Variants in ZFAND2A observed in about 807,000 individuals in gnomAD.
ZFAND2A encodes AN1-type zinc finger protein 2A.
A neutral mutation model predicts 11.6 loss-of-function variants in ZFAND2A; 20 were observed. The ratio of observed to expected loss-of-function variants is 1.72; its 90% CI spans 1.21 to 2.50. The LOEUF (loss-of-function observed/expected upper bound fraction) is 2.50, where lower values mean the gene tolerates loss of function less well. ZFAND2A is among the 30% of genes most tolerant of loss of function. The probability of loss-of-function intolerance (pLI) is 0.00; values close to 1 mark genes in which losing one functional copy is unlikely to be tolerated. For synonymous variants in ZFAND2A, 93 were observed against 60.6 expected, an observed-to-expected ratio of 1.54 and a Z score of -2.48; for missense variants, 234 against 182.9, an observed-to-expected ratio of 1.28 and a Z score of -1.61.
intron 3 of ZFAND2A, chr7:1,157,162 TC>T (rs1793547103): frequency 6.6e-6 from 1 of 152,332 alleles, no homozygotes; most frequent in Non-Finnish European, 1.5e-5. Context: ...TTTCCTTAGG[TC>T]CTCTTTCAGT....
Position 1,153,183 on chromosome 7 carries a change from TTTC to T in ZFAND2A, c.321_323del (p.Lys108del). 6.2e-7 allele frequency: 1 copy of T among 1,614,122 alleles called. No individual in the cohort carries two copies. The highest frequency in any genetic ancestry group is 1.6e-4 in the Middle Eastern group (1 of 6,062). On this transcript the variant is annotated inframe_deletion, in exon 5 of 5. Coordinates refer to ENST00000316495, the MANE Select transcript of ZFAND2A (RefSeq NM_182491.4). Reference sequence around the variant, plus strand: ...GGGCACATACCATCTGCAGCATCTCTTTCTTCTTGCAGCCCTCTTTTGAGCAAC... The same window carrying T: ...GGGCACATACCATCTGCAGCATCTCTTTCTTGCAGCCCTCTTTTGAGCAAC...
At chr7:1,158,812 G>A (rs984158832) in intron 1 of ZFAND2A, among the ~76,000 whole-genome samples, 2 of 152,172 alleles carry the variant, frequency 1.3e-5, no homozygotes, top group Non-Finnish European at 2.9e-5. Flanking sequence ...GACAGCTGGT[G>A]AAACTACCGC....
chr7:1,157,404 CTCCA>C (rs1226596818), intron 3 of ZFAND2A: 6 of 343,384 alleles, frequency 1.7e-5, no homozygotes, highest in African/African-American at 1.3e-4. Context: ...AACTAAGTGA[CTCCA>C]TGAGTCCCTG....
At position 1,155,470 on chromosome 7, in the gene ZFAND2A, C is replaced by T. The variant is rs772952417; in HGVS notation, c.265G>A (p.Gly89Arg). 2 of 1,613,578 alleles carry T rather than the reference C, an allele frequency of 1.2e-6. No individual in the cohort carries two copies. The highest frequency in any genetic ancestry group is 1.7e-6 in the Non-Finnish European group (2 of 1,179,792). The change falls in exon 4 of 5, where the codon GGG becomes AGG. Residue 89 changes from glycine to arginine, a missense_variant. Physicochemically the swap from Gly to Arg is moderately radical, Grantham distance 125. Transcript: ENST00000316495. ...GTCCTTACCTTCTCTTTCTTCTTCC[C>T]AGGGTGAGAGTCACAGTCTCTGTCA... ...HIDRDCDSHP[G>R]KKKEKIFTYR...
downstream of ZFAND2A, chr7:1,152,808 C>CCA: frequency 3.4e-6 from 2 of 587,872 alleles, no homozygotes; most frequent in Non-Finnish European, 6.1e-6. Context: ...GCCTGGACCT[C>CCA]CAGCCCCCAG....
intron 1 of ZFAND2A, among the ~76,000 whole-genome samples, chr7:1,159,150 T>C (rs1243327817): frequency 6.6e-6 from 1 of 152,112 alleles, no homozygotes; most frequent in Admixed American, 6.5e-5. Context: ...CCAGCCCTCC[T>C]TCGCCCACAG....
intron 4 of ZFAND2A, among the ~76,000 whole-genome samples, chr7:1,155,111 C>A (rs1793490983): frequency 6.6e-6 from 1 of 152,082 alleles, no homozygotes; most frequent in Non-Finnish European, 1.5e-5. Flanking sequence ...GGTGACAGAG[C>A]AAGACTGTCT....
intron 3 of ZFAND2A, among the ~76,000 whole-genome samples, chr7:1,156,211 G>A (rs543515740): frequency 5.0e-5 from 3 of 60,124 alleles, no homozygotes; most frequent in Admixed American, 1.5e-4. Context: ...TGGGGGCTCC[G>A]AAGGGGTGGA....
intron 1 of ZFAND2A, among the ~76,000 whole-genome samples, chr7:1,158,695 A>G (rs1793593426): frequency 6.6e-6 from 1 of 151,794 alleles, no homozygotes; most frequent in Non-Finnish European, 1.5e-5. Context: ...CTCTCTCTTC[A>G]ACTCCCTTAG....
intron 2 of ZFAND2A, 81 bp from the exon 3 acceptor site, chr7:1,157,831 A>T: frequency 1.7e-6 from 2 of 1,143,602 alleles, no homozygotes; most frequent in Non-Finnish European, 2.5e-6. Flanking sequence ...GTTTACCTAC[A>T]CTAAGTGTTT....
intron 2 of ZFAND2A, 25 bp downstream of exon 2, chr7:1,158,133 T>A (rs1793575431): frequency 1.2e-6 from 2 of 1,609,762 alleles, no homozygotes; most frequent in Non-Finnish European, 1.7e-6. Flanking sequence ...TACCATTTTC[T>A]ATTAAGTCTC....
At chr7:1,159,533 G>A (rs1403308724) in intron 1 of ZFAND2A, among the ~76,000 whole-genome samples, 2 of 114,792 alleles carry the variant, frequency 1.7e-5, no homozygotes, top group Non-Finnish European at 3.6e-5. Context: ...ACCCCCAACA[G>A]CCAGACCCCG....
Position 1,155,562 on chromosome 7 carries a change from G to A in ZFAND2A, c.173C>T (p.Pro58Leu). ...TACTGGGATGGGGGTATTACAGAGT[G>A]GGCATACTGGGACGTGAACATCCTA... ...FQKDVHVPVC[P>L]LCNTPIPVKK... Residue 58 changes from proline (P) to leucine (L), a missense_variant, in exon 4 of 5, where the codon CCA becomes CTA. Pro to Leu is a moderately conservative substitution (Grantham distance 98). Transcript: ENST00000316495. The A allele has an allele frequency of 6.2e-7, 1 of 1,613,420 alleles. No homozygotes were observed. Among genetic ancestry groups the A allele is most frequent in the South Asian group, 1.1e-5 (1 of 90,946 alleles).
At chr7:1,152,083 C>A, downstream of ZFAND2A, 7 of 862,802 alleles carry the variant, frequency 8.1e-6, no homozygotes, top group Non-Finnish European at 1.1e-5. Context: ...GAGCGAGCTG[C>A]TTCTGTAACT....
intron 3 of ZFAND2A, 68 bp from the exon 4 acceptor site, chr7:1,155,652 A>G (rs1793509119): frequency 6.3e-7 from 1 of 1,578,478 alleles, no homozygotes; most frequent in Admixed American, 1.8e-5. Context: ...GTTTTAAACG[A>G]GTACTCCTGT....
chr7:1,152,030 GA>G (rs1038221041), downstream of ZFAND2A: 3 of 471,544 alleles, frequency 6.4e-6, no homozygotes, highest in Non-Finnish European at 1.1e-5. Context: ...AGGTGTTTCA[GA>G]AACCAGCTGT....
At chr7:1,155,639 G>A in intron 3 of ZFAND2A, 55 bp from the exon 4 acceptor site, 2 of 1,593,414 alleles carry the variant, frequency 1.3e-6, no homozygotes, top group Non-Finnish European at 1.7e-6. Flanking sequence ...TAAACTCACA[G>A]AAGTTTTAAA....
At chr7:1,151,867 G>A (rs149652249), downstream of ZFAND2A, among the ~76,000 whole-genome samples, 106 of 151,882 alleles carry the variant, frequency 7.0e-4, 2 homozygotes, top group East Asian at 0.011. Context: ...ACCTGAAGGC[G>A]GAAGTTACCT....
chr7:1,158,621 T>C (rs531271930), intron 1 of ZFAND2A, among the ~76,000 whole-genome samples: 4 of 152,334 alleles, frequency 2.6e-5, no homozygotes, highest in South Asian at 2.1e-4. Flanking sequence ...AAAACTCTGT[T>C]ACTAGGTGCT....
Sources: gnomAD v4.1 joint callset for allele counts (sites outside exome capture counted in the v4.1 genomes callset) on GRCh38, gnomAD v4.1.1 for gene constraint, MANE v1.5 for transcripts, NCBI Gene and HGNC (gene_info 2026-07-23, HGNC 2026-07-21) for gene names.